FCRL2: variants seen among roughly 807,000 people sequenced by gnomAD.
The protein encoded by FCRL2 is Fc receptor like 2.
Under a neutral mutation model 59.8 loss-of-function variants are expected in FCRL2, and 48 were observed. That is an observed-to-expected ratio of 0.80 (90% CI 0.64 to 1.02). The LOEUF is 1.02. Among genes scored for constraint, FCRL2 ranks in the 50% least tolerant of loss-of-function variants. FCRL2 has a pLI of 0.00. For missense variants in FCRL2, 658 were observed against 597.3 expected, an observed-to-expected ratio of 1.10 and a Z score of -1.06; for synonymous variants, 251 against 229.5, an observed-to-expected ratio of 1.09 and a Z score of -0.85.
intron 7 of FCRL2, among the ~76,000 whole-genome samples, chr1:157,758,518 G>A (rs184528411): frequency 2.0e-5 from 3 of 151,988 alleles, no homozygotes; most frequent in Admixed American, 2.0e-4. Flanking sequence ...TCATGGATAG[G>A]AAGAATCAGG....
chr1:157,752,129 TTTG>T (rs1034322233), intron 7 of FCRL2, among the ~76,000 whole-genome samples: 5 of 152,156 alleles, frequency 3.3e-5, no homozygotes, highest in Admixed American at 3.3e-4. Flanking sequence ...AAACTATGTT[TTTG>T]TTGTTGTTTG....
intron 7 of FCRL2, among the ~76,000 whole-genome samples, chr1:157,754,426 T>C (rs1386358628): frequency 6.6e-6 from 1 of 152,164 alleles, no homozygotes; most frequent in Non-Finnish European, 1.5e-5. Flanking sequence ...TTGTTTAGCA[T>C]ATCATCAAGA....
At chr1:157,770,307 G>A (rs1051933479) in intron 3 of FCRL2, 102 bp downstream of exon 3, 3 of 1,465,880 alleles carry the variant, frequency 2.0e-6, no homozygotes, top group Non-Finnish European at 2.8e-6. Flanking sequence ...AAGCACTCCC[G>A]TCTATATTTA....
rs1491201783 is a variant in FCRL2 at position 157,766,482 on chromosome 1, AAT to A, written c.1279+371_1279+372del. 72 of 206,836 alleles carry A rather than the reference AAT, an allele frequency of 3.5e-4. No homozygotes were observed. The East Asian group carries it at 5.3e-3, about 15-fold the overall frequency. The allele number at this position is 206,836 out of a possible 1,614,324, so 12.8% of individuals were successfully genotyped here. ...TGAGACTCTGTCTCAAAAAAAAAAAAATTTTTTTTGTGTTCCTTTAAATCTAG... is the reference window on the plus strand; with the variant it reads ...TGAGACTCTGTCTCAAAAAAAAAAAATTTTTTTGTGTTCCTTTAAATCTAG... On this transcript the variant is annotated intron_variant, in intron 7 of 11. Coordinates refer to ENST00000361516, the MANE Select transcript of FCRL2 (RefSeq NM_030764.4).
In FCRL2 at chr1:157,748,635, A is replaced by G; in HGVS notation, c.1394-17T>C. On this transcript the variant is annotated splice_polypyrimidine_tract_variant and intron_variant, in intron 9 of 11. Transcript: ENST00000361516. ...CAGAGCCCACTGCAGGGAGAAGACA[A>G]GAGTTCACAGATGTTGGTGGCCCAG... 12 of 1,611,462 alleles carry G rather than the reference A, an allele frequency of 7.4e-6. No homozygotes were observed. The highest frequency in any genetic ancestry group is 1.0e-5 in the Non-Finnish European group (12 of 1,177,726).
intron 4 of FCRL2, chr1:157,769,129 T>C (rs1419592287): frequency 6.3e-6 from 1 of 158,118 alleles, no homozygotes; most frequent in African/African-American, 2.4e-5. Context: ...ACTTCTCCTC[T>C]GACCACTCTG....
At position 157,766,899 on chromosome 1, in the gene FCRL2, G is replaced by C. The variant is rs1649535981; in HGVS notation, c.1235C>G (p.Thr412Ser). Residue 412 changes from threonine (T) to serine (S), a missense_variant, in exon 7 of 12, where the codon ACT becomes AGT. Physicochemically the swap from Thr to Ser is moderately conservative, Grantham distance 58. Transcript: ENST00000361516. ...GGCATACAACAGCAAAGCAACACCA[G>C]TGAAACCAAGGACACCAAACAGTCC... ...LWGLFGVLGFTGVALLLYALF... is the reference protein window; with the variant it reads ...LWGLFGVLGFSGVALLLYALF... The C allele has an allele frequency of 1.9e-5, 31 of 1,614,180 alleles. No individual in the cohort carries two copies. The highest frequency in any genetic ancestry group is 2.5e-5 in the Non-Finnish European group (29 of 1,180,028).
chr1:157,746,610 G>A lies in FCRL2; in HGVS notation c.*126C>T, dbSNP rs60958519. On this transcript the variant is annotated 3_prime_UTR_variant, in exon 12 of 12. Coordinates refer to ENST00000361516, the MANE Select transcript of FCRL2 (RefSeq NM_030764.4). ...ATCATCAGGACAAAAATGACAGGAG[G>A]TGCCTCCTGAGGCACGTTCTGGCTG... 6 of 808,516 alleles carry A rather than the reference G, an allele frequency of 7.4e-6. 1 individual carries two copies. The highest frequency in any genetic ancestry group is 1.0e-5 in the Non-Finnish European group (5 of 492,918). The allele number at this position is 808,516 out of a possible 1,614,324, so 50.1% of individuals were successfully genotyped here.
Position 157,769,988 on chromosome 1 carries a change from C to T in FCRL2, c.473G>A (p.Ser158Asn), listed in dbSNP as rs759702651. Reference protein sequence around the residue: ...ENQVLGSGWSSSPELQISAVW... With the variant: ...ENQVLGSGWSNSPELQISAVW... ...GGCAGAAATCTGGAGCTCCGGAGAG[C>T]TGCTCCAGCCTGACCCCAGGACCTG... is the stretch of plus-strand genomic sequence containing the variant. The change falls in exon 4 of 12, where the codon AGC becomes AAC. Residue 158 changes from serine to asparagine, a missense_variant. Physicochemically the swap from Ser to Asn is conservative, Grantham distance 46. Transcript: ENST00000361516. The T allele has an allele frequency of 6.2e-7, 1 of 1,614,174 alleles. No individual in the cohort carries two copies. Among genetic ancestry groups the T allele is most frequent in the South Asian group, 1.1e-5 (1 of 91,074 alleles).
intron 7 of FCRL2, among the ~76,000 whole-genome samples, chr1:157,762,847 C>G (rs1314194876): frequency 6.6e-6 from 1 of 152,140 alleles, no homozygotes. Context: ...AGCAAAATAT[C>G]CTTCATAAAT....
intron 7 of FCRL2, among the ~76,000 whole-genome samples, chr1:157,765,627 A>G (rs1291276543): frequency 1.3e-5 from 2 of 152,204 alleles, no homozygotes; most frequent in Non-Finnish European, 2.9e-5. Flanking sequence ...TCCGGAGAGG[A>G]CAGCCAAGAA....
At chr1:157,756,617 C>T (rs9426988) in intron 7 of FCRL2, among the ~76,000 whole-genome samples, 17,057 of 150,766 alleles carry the variant, frequency 0.11, 1,667 homozygotes, top group African/African-American at 0.27. Flanking sequence ...ACATCAAGCC[C>T]GCAGTGAGCC....
intron 10 of FCRL2, among the ~76,000 whole-genome samples, 165 bp from the exon 11 acceptor site, chr1:157,747,064 T>G (rs1299360875): frequency 6.6e-6 from 1 of 152,240 alleles, no homozygotes; most frequent in East Asian, 1.9e-4. Flanking sequence ...GAAGTCCTTC[T>G]AAGACTCTAT....
intron 2 of FCRL2, 90 bp from the exon 3 acceptor site, chr1:157,770,756 T>C: frequency 7.2e-7 from 1 of 1,385,590 alleles, no homozygotes; most frequent in Non-Finnish European, 9.9e-7. Context: ...AGGCATAGCC[T>C]CTACTTCTTT....
rs74119552 is a variant in FCRL2, at chr1:157,765,620, G to A, written c.1279+1235C>T. ...GTTCCATGGAGCATTTGCTGATTCC[G>A]GAGAGGACAGCCAAGAAGCTTGTGC... On this transcript the variant is annotated intron_variant, in intron 7 of 11. Coordinates refer to ENST00000361516, the MANE Select transcript of FCRL2 (RefSeq NM_030764.4). Among the ~76,000 whole-genome samples the A allele has an allele frequency of 8.5e-3, 1,291 of 152,316 alleles. 14 individuals carry two copies. The highest frequency in any genetic ancestry group is 0.029 in the African/African-American group (1,196 of 41,568).
chr1:157,758,680 C>CAAAAAA (rs59716565), intron 7 of FCRL2, among the ~76,000 whole-genome samples: 1,661 of 54,776 alleles, frequency 0.03, 1 homozygote, highest in Non-Finnish European at 0.037. Context: ...CAGTCCCAAG[C>CAAAAAA]AAAAAAAAAA....
chr1:157,765,600 A>G (rs191767610), intron 7 of FCRL2, among the ~76,000 whole-genome samples: 2 of 152,358 alleles, frequency 1.3e-5, no homozygotes, highest in Admixed American at 6.5e-5. Context: ...CACTTGTTCC[A>G]TGGAGCATTT....
chr1:157,767,606 G>A lies in FCRL2; in HGVS notation c.884-97C>T, dbSNP rs1035888527. ...GGCTCAGCAAAGGGCCTGGCCCCAT[G>A]GCTGTTGCATATTTTCCATTCCCAC... On this transcript the variant is annotated intron_variant, in intron 5 of 11. Coordinates refer to ENST00000361516, the MANE Select transcript of FCRL2 (RefSeq NM_030764.4). 3 of 1,613,992 alleles carry A rather than the reference G, an allele frequency of 1.9e-6. No individual in the cohort carries two copies. The African/African-American group carries it at 4.0e-5, about 22-fold the overall frequency.
In FCRL2 at chr1:157,767,407, G is replaced by A. The variant is rs146267875; in HGVS notation, c.986C>T (p.Pro329Leu). Reference protein sequence around the residue: ...LHCEALRGSPPILYQFYHEDV... With the variant: ...LHCEALRGSPLILYQFYHEDV... ...CTCATGATAAAATTGGTACAAGATT[G>A]GGGGAGAGCCTCTCAGGGCCTCACA... Residue 329 changes from proline to leucine, a missense_variant, in exon 6 of 12, where the codon CCA becomes CTA. Coordinates refer to ENST00000361516, the MANE Select transcript of FCRL2 (RefSeq NM_030764.4). The A allele has an allele frequency of 6.2e-6, 10 of 1,614,216 alleles. No individual in the cohort carries two copies. Among genetic ancestry groups the A allele is most frequent in the South Asian group, 3.3e-5 (3 of 91,084 alleles).
Sources: gnomAD v4.1 joint callset for allele counts (sites outside exome capture counted in the v4.1 genomes callset) on GRCh38, gnomAD v4.1.1 for gene constraint, MANE v1.5 for transcripts, NCBI Gene and HGNC (gene_info 2026-07-23, HGNC 2026-07-21) for gene names.